Variants in OPLAH observed in about 807,000 individuals in gnomAD.
OPLAH encodes 5-oxoprolinase, ATP-hydrolysing, also known as 5-oxoprolinase.
Under a neutral mutation model 122.8 loss-of-function variants are expected in OPLAH, and 103 were observed. The ratio of observed to expected loss-of-function variants is 0.84; its 90% CI spans 0.71 to 0.99. OPLAH has a LOEUF of 0.99. Ranked by LOEUF, OPLAH falls within the 50% of genes least tolerant of loss-of-function variation. OPLAH has a pLI of 0.00. For missense variants in OPLAH, 1,902 were observed against 1,836.5 expected (o/e 1.04, Z -0.65); for synonymous variants, 875 against 796.0 (o/e 1.10, Z -1.67).
intron 26 of OPLAH, 89 bp from the exon 27 acceptor site, chr8:144,051,561 C>T: frequency 8.2e-7 from 1 of 1,217,912 alleles, no homozygotes; most frequent in South Asian, 1.5e-5. Flanking sequence ...CACCGGGCAG[C>T]GTCCATCACC....
chr8:144,051,281 C>A lies in OPLAH; in HGVS notation c.*45G>T, dbSNP rs1835366743. 6.2e-7 allele frequency: 1 copy of A among 1,605,108 alleles called. No individual in the cohort carries two copies. The highest frequency in any genetic ancestry group is 8.5e-7 in the Non-Finnish European group (1 of 1,177,140). ...GAGCACGAACTAGGCGCCGTAGCTG[C>A]GTCCCCAGAACCGGGAGACTTAAGG... On this transcript the variant is annotated 3_prime_UTR_variant, in exon 27 of 27. Coordinates refer to ENST00000618853, the MANE Select transcript of OPLAH (RefSeq NM_017570.5).
At position 144,051,302 on chromosome 8, in the gene OPLAH, T is replaced by G. The variant is rs1187557034; in HGVS notation, c.*24A>C. On this transcript the variant is annotated 3_prime_UTR_variant, in exon 27 of 27. Coordinates refer to ENST00000618853, the MANE Select transcript of OPLAH (RefSeq NM_017570.5). ...GCTGCGTCCCCAGAACCGGGAGACT[T>G]AAGGCATCTTTATTGCGGGATCCTC... 1 of 1,609,930 alleles carries G rather than the reference T, an allele frequency of 6.2e-7. No individual in the cohort carries two copies. Among genetic ancestry groups the G allele is most frequent in the Admixed American group, 1.7e-5 (1 of 59,606 alleles).
In OPLAH at chr8:144,056,234, C is replaced by T; in HGVS notation, c.2009G>A (p.Gly670Asp). The part of the protein sequence containing the change: ...DKMTQCYFEG[G>D]YQETPVYLLA... ...CAGGTACACAGGGGTCTCCTGGTAG[C>T]CCCCCTCAAAGTAGCACTGGGTCAT... The change falls in exon 15 of 27, where the codon GGC becomes GAC. Residue 670 changes from glycine to aspartate, a missense_variant. Around this residue, in one of 3 missense-constraint regions of OPLAH, gnomAD observed 1,726 missense variants for 1,642.1 expected, o/e 1.05. Transcript: ENST00000618853. 1 of 1,611,852 alleles carries T rather than the reference C, an allele frequency of 6.2e-7. No individual in the cohort carries two copies. The highest frequency in any genetic ancestry group is 8.5e-7 in the Non-Finnish European group (1 of 1,179,136).
intron 14 of OPLAH, 62 bp from the exon 15 acceptor site, chr8:144,056,321 G>A (rs530601514): frequency 1.3e-6 from 2 of 1,595,628 alleles, no homozygotes; most frequent in Admixed American, 3.4e-5. Flanking sequence ...GCCTCTCACA[G>A]GGCTTGGTCC....
downstream of OPLAH, chr8:144,050,788 C>A: frequency 1.0e-6 from 1 of 986,652 alleles, no homozygotes; most frequent in Non-Finnish European, 1.2e-6. Flanking sequence ...TCCCCCGGAT[C>A]CCCCAGGGAC....
At position 144,051,833 on chromosome 8, in the gene OPLAH, AG is replaced by A; in HGVS notation, c.3623-8del. ...CGGGCGCCAGGCTCGCCCCCTGCGG[AG>A]GGAGGCGAGGAGTCCAGAGAGACCA... On this transcript the variant is annotated splice_region_variant and splice_polypyrimidine_tract_variant and intron_variant, in intron 25 of 26. Coordinates refer to ENST00000618853, the MANE Select transcript of OPLAH (RefSeq NM_017570.5). 1 of 1,170,680 alleles carries A rather than the reference AG, an allele frequency of 8.5e-7. No individual in the cohort carries two copies. 72.5% of individuals were successfully genotyped at this position (1,170,680 alleles called of 1,614,324 possible).
intron 17 of OPLAH, 29 bp downstream of exon 17, chr8:144,055,000 A>AG: frequency 1.7e-6 from 1 of 574,866 alleles, no homozygotes; most frequent in Non-Finnish European, 2.4e-6. Context: ...AGGGAGGGGG[A>AG]TGGAAGGGTG....
chr8:144,061,699 C>T (rs1032899463), upstream of OPLAH, among the ~76,000 whole-genome samples: 3 of 152,178 alleles, frequency 2.0e-5, no homozygotes, highest in African/African-American at 4.8e-5. Context: ...ATCCACCCCT[C>T]GTTTAGCATA....
In OPLAH at chr8:144,056,413, G is replaced by A; in HGVS notation, c.1955C>T (p.Ala652Val). The A allele has an allele frequency of 1.2e-6, 2 of 1,608,390 alleles. No homozygotes were observed. The highest frequency in any genetic ancestry group is 8.5e-7 in the Non-Finnish European group (1 of 1,178,182). The change falls in exon 14 of 27, where the codon GCC becomes GTC. Residue 652 changes from alanine (A) to valine (V), a missense_variant. Ala to Val is a moderately conservative substitution (Grantham distance 64). Transcript: ENST00000618853. ...GTCCACCCGGGGAGGCCCGGTCTGGGCTTTGGGGGCATCCTCGAGGCGAAG... is the reference window on the plus strand; with the variant it reads ...GTCCACCCGGGGAGGCCCGGTCTGGACTTTGGGGGCATCCTCGAGGCGAAG... ...SGLRLEDAPK[A>V]QTGPPRVDKM...
At position 144,056,099 on chromosome 8, in the gene OPLAH, C is replaced by A. The variant is rs558973631; in HGVS notation, c.2096+48G>T. 2.6e-6 allele frequency: 4 copies of A among 1,565,966 alleles called. No individual in the cohort carries two copies. In the South Asian group the frequency reaches 3.4e-5, roughly 13 times the overall value. On this transcript the variant is annotated intron_variant, in intron 15 of 26. Transcript: ENST00000618853. ...CCAGAGAACCCTGCACCAGGGGCCC[C>A]GCAGTGGACCCGTCCACATCCTCCA... is the stretch of plus-strand genomic sequence containing the variant.
intron 19 of OPLAH, among the ~76,000 whole-genome samples, 166 bp downstream of exon 19, chr8:144,054,395 G>A (rs1026969551): frequency 1.2e-4 from 18 of 152,110 alleles, no homozygotes; most frequent in African/African-American, 3.6e-4. Context: ...CTCAGCTCCC[G>A]GGATCCGATC....
Position 144,055,658 on chromosome 8 carries a change from T to G in OPLAH, c.2248+130A>C, listed in dbSNP as rs371075155. ...ATGGCCAACTGCACCACACCAGTGC[T>G]GCGGCCACACTGCCCGCCCCGTCGC... On this transcript the variant is annotated intron_variant, in intron 16 of 26. Coordinates refer to ENST00000618853, the MANE Select transcript of OPLAH (RefSeq NM_017570.5). The surrounding 1 kb of genome is among the most constrained non-coding windows in gnomAD (Gnocchi z 6.5). The G allele has an allele frequency of 2.0e-4, 232 of 1,141,474 alleles. 1 individual carries two copies. The African/African-American group carries it at 3.3e-3, about 16-fold the overall frequency. The allele number at this position is 1,141,474 out of a possible 1,614,324, so 70.7% of individuals were successfully genotyped here. A position where few individuals can be genotyped will look rare whatever the true frequency, so the allele number is the denominator to read the frequency against.
intron 3 of OPLAH, 60 bp downstream of exon 3, chr8:144,059,539 C>A: frequency 6.6e-7 from 1 of 1,508,714 alleles, no homozygotes; most frequent in South Asian, 1.3e-5. Flanking sequence ...CCCACAGGGT[C>A]AAGGCATCCC....
At chr8:144,060,906 G>C (rs1424494502), upstream of OPLAH, among the ~76,000 whole-genome samples, 1 of 152,256 alleles carries the variant, frequency 6.6e-6, no homozygotes, top group Non-Finnish European at 1.5e-5. Context: ...CGCCGGGCCT[G>C]GGCTCGCCTA....
downstream of OPLAH, chr8:144,050,458 G>A (rs1835347168): frequency 2.0e-6 from 2 of 985,538 alleles, no homozygotes; most frequent in Admixed American, 6.1e-5. Flanking sequence ...CTGCTGGAAA[G>A]GTCCAGCAGG....
rs1835476335 is a variant in OPLAH at position 144,055,001 on chromosome 8, T to TGGGG, written c.2409+27_2409+28insCCCC. 2.1e-6 allele frequency: 1 copy of TGGGG among 486,920 alleles called. No individual in the cohort carries two copies. The highest frequency in any genetic ancestry group is 5.3e-5 in the African/African-American group (1 of 18,766). 30.2% of individuals were successfully genotyped at this position (486,920 alleles called of 1,614,324 possible). On this transcript the variant is annotated intron_variant, in intron 17 of 26. Coordinates refer to ENST00000618853, the MANE Select transcript of OPLAH (RefSeq NM_017570.5). The surrounding 1 kb of genome is among the most constrained non-coding windows in gnomAD (Gnocchi z 6.5). Reference sequence around the variant, plus strand: ...GGGGGTGGAGGGTGAGGGAGGGGGATGGAAGGGTGAGGCGGGGGAAGGGCC... The same window carrying TGGGG: ...GGGGGTGGAGGGTGAGGGAGGGGGATGGGGGGAAGGGTGAGGCGGGGGAAGGGCC...
rs1332771916 is a variant in OPLAH at position 144,056,968 on chromosome 8, C to T, written c.1686G>A (p.Leu562=). ...SRLEEQCVDA[L]QAQGFPRSQI... ...CCCACCTGGGGAAGCCCTGGGCCTG[C>T]AGAGCATCCACACACTGCTCCTCCA... The change falls in exon 12 of 27, where the codon CTG becomes CTA. Residue 562 remains leucine (L), a synonymous_variant. Transcript: ENST00000618853. The T allele has an allele frequency of 3.2e-6, 5 of 1,583,192 alleles. No individual in the cohort carries two copies. Among genetic ancestry groups the T allele is most frequent in the Non-Finnish European group, 4.3e-6 (5 of 1,167,304 alleles).
At chr8:144,056,855 C>G (rs1180728145) in intron 12 of OPLAH, 93 bp downstream of exon 12, 74 of 1,517,080 alleles carry the variant, frequency 4.9e-5, no homozygotes, top group Non-Finnish European at 2.3e-5. Flanking sequence ...TCGCACACCC[C>G]GGGACCACCT....
Position 144,051,480 on chromosome 8 carries a change from C to T in OPLAH, c.3721-8G>A. Reference sequence around the variant, plus strand: ...GTGGAGACAGAACACATCCTGTTGGCGCGGGGGGGGGCGGGGAGGCGGGCT... The same window carrying T: ...GTGGAGACAGAACACATCCTGTTGGTGCGGGGGGGGGCGGGGAGGCGGGCT... On this transcript the variant is annotated splice_polypyrimidine_tract_variant and splice_region_variant and intron_variant, in intron 26 of 26. Transcript: ENST00000618853. 2.3e-5 allele frequency: 9 copies of T among 397,590 alleles called. No individual in the cohort carries two copies. Among genetic ancestry groups the T allele is most frequent in the East Asian group, 6.8e-5 (1 of 14,742 alleles). 24.6% of individuals were successfully genotyped at this position (397,590 alleles called of 1,614,324 possible). A position where few individuals can be genotyped will look rare whatever the true frequency, so the allele number is the denominator to read the frequency against.
Sources: allele counts gnomAD v4.1 joint callset (sites outside exome capture counted in the v4.1 genomes callset), GRCh38; gene constraint gnomAD v4.1.1; regional missense constraint gnomAD v4.1.1; non-coding constraint Gnocchi (gnomAD v3.1); transcripts MANE v1.5; gene names NCBI Gene and HGNC (gene_info 2026-07-23, HGNC 2026-07-21).